CIMIP2B: variants seen among roughly 807,000 people sequenced by gnomAD.
CIMIP2B encodes family with sequence similarity 166 member B.
the CIMIP2B span, chr9:35,563,538 G>A: frequency 8.1e-5 from 62 of 761,724 alleles, no homozygotes; most frequent in East Asian, 6.2e-4. Flanking sequence ...CTGGGCTTTC[G>A]ATCCTTCCTC....
At chr9:35,562,436 G>A in the CIMIP2B span, 1 of 1,572,500 alleles carries the variant, frequency 6.4e-7, no homozygotes, top group Non-Finnish European at 8.6e-7. Flanking sequence ...GTATGTTCTG[G>A]GAAGTGGGGG....
the CIMIP2B span, chr9:35,563,122 C>A: frequency 5.0e-6 from 8 of 1,613,384 alleles, no homozygotes; most frequent in Admixed American, 1.0e-4. Context: ...GTGTTTGGAA[C>A]ACATGCTCCT....
the CIMIP2B span, chr9:35,563,522 C>T: frequency 1.3e-6 from 1 of 795,626 alleles, no homozygotes; most frequent in Non-Finnish European, 2.0e-6. Context: ...TTTCTAAGTT[C>T]TCTGCCTGGG....
chr9:35,562,643 TC>T, the CIMIP2B span: 1 of 1,612,964 alleles, frequency 6.2e-7, no homozygotes, highest in African/African-American at 1.3e-5. Context: ...ACCCCCCAGC[TC>T]TCACCTGACA....
At chr9:35,563,108 G>C in the CIMIP2B span, 1 of 1,613,140 alleles carries the variant, frequency 6.2e-7, no homozygotes, top group Non-Finnish European at 8.5e-7. Flanking sequence ...AGGAAGACTC[G>C]TTAGTGTTTG....
the CIMIP2B span, chr9:35,562,256 T>G: frequency 9.4e-7 from 1 of 1,064,094 alleles, no homozygotes; most frequent in Non-Finnish European, 1.3e-6. Flanking sequence ...ATAATAAAGC[T>G]GAACCACATG....
chr9:35,562,225 C>T, the CIMIP2B span: 1 of 1,009,682 alleles, frequency 9.9e-7, no homozygotes, highest in Non-Finnish European at 1.4e-6. Context: ...GGGTAGCTAC[C>T]TCGGTTTCCT....
chr9:35,562,804 C>T, the CIMIP2B span: 59 of 1,609,318 alleles, frequency 3.7e-5, no homozygotes, highest in Non-Finnish European at 4.6e-5. Flanking sequence ...CATGCTGCCC[C>T]CACTGCCCGG....
chr9:35,561,923 T>TTC, the CIMIP2B span: 1 of 125,538 alleles, frequency 8.0e-6, no homozygotes, highest in Non-Finnish European at 1.6e-5. Context: ...TCCCCCACCC[T>TTC]CCCACCCTCC....
chr9:35,562,683 C>A, the CIMIP2B span: 1 of 1,613,614 alleles, frequency 6.2e-7, no homozygotes, highest in East Asian at 2.2e-5. Context: ...CCCTGTCATC[C>A]ATGGAGTAGG....
the CIMIP2B span, chr9:35,563,093 G>A: frequency 6.2e-7 from 1 of 1,613,722 alleles, no homozygotes; most frequent in Non-Finnish European, 8.5e-7. Context: ...GGGCAGGCAG[G>A]GACAAGGAAG....
At chr9:35,563,605 G>A in the CIMIP2B span, among the ~76,000 whole-genome samples, 1 of 152,184 alleles carries the variant, frequency 6.6e-6, no homozygotes, top group Non-Finnish European at 1.5e-5. Flanking sequence ...CAGACCCGGT[G>A]TCTCACTAGT....
the CIMIP2B span, chr9:35,562,138 G>A: frequency 7.1e-7 from 1 of 1,408,030 alleles, no homozygotes; most frequent in East Asian, 2.5e-5. Flanking sequence ...AAGTGGCATG[G>A]CAAAGCCATT....
At chr9:35,562,254 G>A in the CIMIP2B span, 3 of 1,060,412 alleles carry the variant, frequency 2.8e-6, no homozygotes, top group Non-Finnish European at 4.0e-6. Context: ...TGATAATAAA[G>A]CTGAACCACA....
At chr9:35,563,537 C>T in the CIMIP2B span, 5 of 760,862 alleles carry the variant, frequency 6.6e-6, no homozygotes, top group African/African-American at 3.5e-5. Context: ...CCTGGGCTTT[C>T]GATCCTTCCT....
At chr9:35,562,482 G>A in the CIMIP2B span, 1 of 1,583,774 alleles carries the variant, frequency 6.3e-7, no homozygotes, top group Non-Finnish European at 8.6e-7. Context: ...CCTGGTGAGT[G>A]CTTCTGCCCA....
the CIMIP2B span, chr9:35,563,863 G>A: frequency 6.3e-7 from 1 of 1,594,866 alleles, no homozygotes; most frequent in Admixed American, 1.7e-5. Context: ...TTGCCTTTGA[G>A]CCAAGGCTCT....
the CIMIP2B span, chr9:35,562,106 A>G: frequency 6.6e-7 from 1 of 1,521,570 alleles, no homozygotes; most frequent in African/African-American, 1.4e-5. Flanking sequence ...CTGTGTGGCC[A>G]AGAGAGTCTG....
the CIMIP2B span, chr9:35,563,211 G>A: frequency 1.5e-5 from 24 of 1,613,988 alleles, no homozygotes; most frequent in African/African-American, 1.2e-4. Flanking sequence ...TCTTGCCCAC[G>A]CCTGACAGGT....
Sources: allele counts gnomAD v4.1 joint callset (sites outside exome capture counted in the v4.1 genomes callset), GRCh38; gene constraint gnomAD v4.1.1; transcripts MANE v1.5; gene names NCBI Gene and HGNC (gene_info 2026-07-23, HGNC 2026-07-21).